Variants in GBP1 observed in about 807,000 individuals in gnomAD.
GBP1 encodes the protein guanylate-binding protein 1.
A neutral mutation model predicts 69.5 loss-of-function variants in GBP1; 64 were observed. The observed-to-expected ratio is 0.92, with a 90% CI of 0.75 to 1.13. The LOEUF (loss-of-function observed/expected upper bound fraction) is 1.13. GBP1 is among the 50% of genes most tolerant of loss of function. The probability of loss-of-function intolerance (pLI) is 0.00; values close to 1 mark genes in which losing one functional copy is unlikely to be tolerated. For synonymous variants in GBP1, 250 were observed against 261.2 expected (o/e 0.96, Z 0.41); for missense variants, 630 against 704.1 (o/e 0.89, Z 1.19).
chr1:89,062,946 A>C, intron 2 of GBP1, 99 bp downstream of exon 2: 2 of 1,428,106 alleles, frequency 1.4e-6, no homozygotes, highest in South Asian at 1.2e-5. Flanking sequence ...AGCTTTCAGT[A>C]TTCATCCTCA....
chr1:89,055,390 A>G (rs540427084), intron 8 of GBP1, 175 bp from the exon 9 acceptor site: 16 of 1,054,822 alleles, frequency 1.5e-5, no homozygotes, highest in African/African-American at 1.4e-4. Flanking sequence ...GCCGATCAGA[A>G]CATCCTACTT....
rs141853315 is a variant in GBP1 at position 89,060,292 on chromosome 1, T to A, written c.223A>T (p.Thr75Ser). The A allele has an allele frequency of 3.1e-6, 5 of 1,602,134 alleles. No individual in the cohort carries two copies. In the African/African-American group the frequency reaches 6.7e-5, roughly 22 times the overall value. The change falls in exon 3 of 11, where the codon ACT (threonine) becomes TCT (serine). Residue 75 changes from threonine (T) to serine (S), a missense_variant. By Grantham distance (58) the Thr-to-Ser change is moderately conservative. Around this residue, in one of 5 missense-constraint regions of GBP1, gnomAD observed 131 missense variants for 138.5 expected, o/e 0.95. Transcript: ENST00000370473. ...ACACACCACATCCAGATTCCTTTAG[T>A]GTGAGACTGCACCGTGGAGCCCAGA... is the stretch of plus-strand genomic sequence containing the variant. The part of the protein sequence containing the change: ...FSLGSTVQSH[T>S]KGIWMWCVPH...
In GBP1 at chr1:89,055,104, A is replaced by G. The variant is rs1570935549; in HGVS notation, c.1471+9T>C. 6 of 1,605,060 alleles carry G rather than the reference A, an allele frequency of 3.7e-6. No homozygotes were observed. The highest frequency in any genetic ancestry group is 5.1e-6 in the Non-Finnish European group (6 of 1,176,562). On this transcript the variant is annotated intron_variant, in intron 9 of 10. Transcript: ENST00000370473. ...TTGAGGCCATCTAATCTCTTAACTC[A>G]CTCCTCACCTTCAATCTCCTTTTCT...
Position 89,061,986 on chromosome 1 carries a change from T to TA in GBP1, c.190+1058dup, listed in dbSNP as rs142975286. Among the ~76,000 whole-genome samples, 596 of 144,644 alleles carry TA rather than the reference T, an allele frequency of 4.1e-3. 4 individuals carry two copies. The highest frequency in any genetic ancestry group is 0.016 in the South Asian group (72 of 4,580). 94.9% of individuals were successfully genotyped at this position (144,644 alleles called of 152,430 possible). On this transcript the variant is annotated intron_variant, in intron 2 of 10. Transcript: ENST00000370473. ...TTAACTTCCATTCGTATGGCCACTA[T>TA]AAAAAAAAAAAACCACTGAAAATAA...
rs183509990 is a variant in GBP1 at position 89,057,192 on chromosome 1, G to A, written c.875-58C>T. 84 of 1,600,472 alleles carry A rather than the reference G, an allele frequency of 5.2e-5. No individual in the cohort carries two copies. In the African/African-American group the frequency reaches 9.9e-4, roughly 19 times the overall value. On this transcript the variant is annotated intron_variant, in intron 6 of 10. Transcript: ENST00000370473. ...GTGGTAAAGAAAGTCTCTATTCCATGTAATTCTGAGCATGTCAAATACCAC... is the reference window on the plus strand; with the variant it reads ...GTGGTAAAGAAAGTCTCTATTCCATATAATTCTGAGCATGTCAAATACCAC...
chr1:89,054,249 GCCA>G (rs923265490), intron 10 of GBP1, among the ~76,000 whole-genome samples: 4 of 151,900 alleles, frequency 2.6e-5, no homozygotes, highest in Non-Finnish European at 5.9e-5. Context: ...ACAGGTGCCC[GCCA>G]CCACATCTAG....
At position 89,057,114 on chromosome 1, in the gene GBP1, T is replaced by A; in HGVS notation, c.895A>T (p.Thr299Ser). Residue 299 changes from threonine (T) to serine (S), a missense_variant, in exon 7 of 11, where the codon ACC becomes TCC. Physicochemically the swap from Thr to Ser is moderately conservative, Grantham distance 58. Transcript: ENST00000370473. ...CCACTGCTGATGGCATTGACGTAGGTCAGCACCAGGCTCTCTAGACCTGCA... is the reference window on the plus strand; with the variant it reads ...CCACTGCTGATGGCATTGACGTAGGACAGCACCAGGCTCTCTAGACCTGCA... The part of the protein sequence containing the change: ...NGPRLESLVL[T>S]YVNAISSGDL... The A allele has an allele frequency of 6.2e-7, 1 of 1,614,278 alleles. No homozygotes were observed. The highest frequency in any genetic ancestry group is 8.5e-7 in the Non-Finnish European group (1 of 1,180,048).
At chr1:89,053,602 C>A in intron 10 of GBP1, 134 bp from the exon 11 acceptor site, 2 of 1,381,148 alleles carry the variant, frequency 1.4e-6, no homozygotes, top group Non-Finnish European at 9.6e-7. Flanking sequence ...CATACTTTGG[C>A]CTATCATTGA....
intron 2 of GBP1, chr1:89,062,800 T>G: frequency 2.2e-6 from 1 of 457,254 alleles, no homozygotes; most frequent in Non-Finnish European, 3.9e-6. Context: ...TTTTTATTAC[T>G]GTCTTACTCC....
rs1679961630 is a variant in GBP1, at chr1:89,053,196, A to G, written c.*159T>C. 3 of 481,664 alleles carry G rather than the reference A, an allele frequency of 6.2e-6. No individual in the cohort carries two copies. Among genetic ancestry groups the G allele is most frequent in the Admixed American group, 4.1e-5 (1 of 24,298 alleles). The allele number at this position is 481,664 out of a possible 1,614,324, so 29.8% of individuals were successfully genotyped here. ...CAATTTACAGTCTTTTTTTTTTTTT[A>G]AGAAAAAACATGATTTTGATCATTG... On this transcript the variant is annotated 3_prime_UTR_variant, in exon 11 of 11. Coordinates refer to ENST00000370473, the MANE Select transcript of GBP1 (RefSeq NM_002053.3).
In GBP1 at chr1:89,058,982, C is replaced by A. The variant is rs917345704; in HGVS notation, c.490G>T (p.Glu164Ter). 1 of 1,614,138 alleles carries A rather than the reference C, an allele frequency of 6.2e-7. No homozygotes were observed. The highest frequency in any genetic ancestry group is 1.3e-5 in the African/African-American group (1 of 75,040). ...SKSSPDENENEVEDSADFVSF... is the reference protein window; with the variant it reads ...SKSSPDENEN ...ACAAAGTCAGCTGAATCCTCAACCT[C>A]ATTCTCATTCTCATCAGGTGAGGAT... The change falls in exon 5 of 11, where the codon GAG becomes TAG. Residue 164 changes from glutamate to a stop codon, truncating the protein, a stop_gained. Transcript: ENST00000370473. LOFTEE classifies it high-confidence loss of function.
Position 89,053,453 on chromosome 1 carries a change from G to A in GBP1, c.1681C>T (p.Leu561=). The A allele has an allele frequency of 9.3e-6, 15 of 1,613,470 alleles. No individual in the cohort carries two copies. The highest frequency in any genetic ancestry group is 1.2e-5 in the Non-Finnish European group (14 of 1,179,888). Residue 561 remains leucine, a synonymous_variant, in exon 11 of 11, where the codon CTA becomes TTA. Coordinates refer to ENST00000370473, the MANE Select transcript of GBP1 (RefSeq NM_002053.3). ...ALKLQEQEQL[L]KEGFQKESRI... Reference sequence around the variant, plus strand: ...CTTTCTTTTTGAAATCCCTCTTTTAGTAGTTGCTCCTGTTCCTAAAAAGGG... The same window carrying A: ...CTTTCTTTTTGAAATCCCTCTTTTAATAGTTGCTCCTGTTCCTAAAAAGGG...
In GBP1 at chr1:89,055,215, C is replaced by T; in HGVS notation, c.1369G>A (p.Ala457Thr). The T allele has an allele frequency of 3.7e-6, 6 of 1,613,188 alleles. No homozygotes were observed. The highest frequency in any genetic ancestry group is 5.1e-6 in the Non-Finnish European group (6 of 1,179,808). The change falls in exon 9 of 11, where the codon GCT becomes ACT. Residue 457 changes from alanine to threonine, a missense_variant and splice_region_variant. Transcript: ENST00000370473. ...YYEEPRKGIQ[A>T]EEILQTYLKS... is the part of the protein sequence containing the mutation. ...AAGTATGTCTGCAGAATCTCTTCAG[C>T]CTTAGGACCCAGAGAACACAGAGTG...
In GBP1 at chr1:89,057,123, G is replaced by A; in HGVS notation, c.886C>T (p.Leu296=). 1.2e-6 allele frequency: 2 copies of A among 1,614,264 alleles called. No homozygotes were observed. The highest frequency in any genetic ancestry group is 1.7e-6 in the Non-Finnish European group (2 of 1,180,054). The change falls in exon 7 of 11, where the codon CTG becomes TTG. Residue 296 remains leucine (L), a synonymous_variant. Transcript: ENST00000370473. ...IQVNGPRLES[L]VLTYVNAISS... is the part of the protein sequence containing the mutation. The stretch of plus-strand genomic sequence containing the variant: ...ATGGCATTGACGTAGGTCAGCACCA[G>A]GCTCTCTAGACCTGCATATGAAGAA...
chr1:89,056,283 A>G, intron 7 of GBP1, 55 bp from the exon 8 acceptor site: 1 of 1,612,698 alleles, frequency 6.2e-7, no homozygotes, highest in South Asian at 1.1e-5. Flanking sequence ...TGTTAGCTTG[A>G]CCTCAGAATT....
chr1:89,055,615 G>A, intron 8 of GBP1: 1 of 353,872 alleles, frequency 2.8e-6, no homozygotes, highest in East Asian at 6.9e-5. Flanking sequence ...GGGGAACACT[G>A]GACAGAGAGC....
chr1:89,055,239 T>A, intron 8 of GBP1, 24 bp from the exon 9 acceptor site: 1 of 1,612,598 alleles, frequency 6.2e-7, no homozygotes. Context: ...GAACACAGAG[T>A]GAGAAGTAGG....
At chr1:89,053,916 T>G (rs1679980552) in intron 10 of GBP1, among the ~76,000 whole-genome samples, 1 of 152,222 alleles carries the variant, frequency 6.6e-6, no homozygotes, top group Non-Finnish European at 1.5e-5. Flanking sequence ...TCATAAAGGT[T>G]TCTTAAATCT....
At chr1:89,064,855 G>T (rs147492586) in intron 1 of GBP1, among the ~76,000 whole-genome samples, 49 of 152,316 alleles carry the variant, frequency 3.2e-4, no homozygotes, top group African/African-American at 1.1e-3. Flanking sequence ...CAAAGAGAAA[G>T]ACTATCCTAG....
Sources: gnomAD v4.1 joint callset for allele counts (sites outside exome capture counted in the v4.1 genomes callset) on GRCh38, gnomAD v4.1.1 for gene constraint, gnomAD v4.1.1 regional missense constraint, MANE v1.5 for transcripts, NCBI Gene and HGNC (gene_info 2026-07-23, HGNC 2026-07-21) for gene names.